The following MYH11 variants were observed in gnomAD, a reference collection of about 807,000 sequenced individuals.
MYH11 encodes myosin-11.
Under a neutral mutation model 246.6 loss-of-function variants are expected in MYH11, and 80 were observed. That is an observed-to-expected ratio of 0.32 (90% CI 0.27 to 0.39). MYH11 has a LOEUF of 0.39. Ranked by LOEUF, MYH11 falls within the 10% of genes least tolerant of loss-of-function variation. The probability of loss-of-function intolerance (pLI) is 1.00; values close to 1 mark genes in which losing one functional copy is unlikely to be tolerated. For missense variants in MYH11, 2,158 were observed against 2,546.8 expected (o/e 0.85, Z 3.29); for synonymous variants, 1,071 against 1,015.5 (o/e 1.05, Z -1.04).
At chr16:15,771,910 C>T (rs1023108266) in intron 8 of MYH11, among the ~76,000 whole-genome samples, 198 bp from the exon 9 acceptor site, 2 of 151,922 alleles carry the variant, frequency 1.3e-5, no homozygotes, top group Admixed American at 6.6e-5. Context: ...GCAGGTTGTG[C>T]ACTGCTCCAG....
At chr16:15,712,057 G>A (rs940370078) in intron 40 of MYH11, among the ~76,000 whole-genome samples, 1 of 152,150 alleles carries the variant, frequency 6.6e-6, no homozygotes, top group Non-Finnish European at 1.5e-5. Flanking sequence ...GTATAAAGGA[G>A]ACCAAAACGT....
Position 15,708,733 on chromosome 16 carries a change from A to G in MYH11, c.5787-4610T>C, listed in dbSNP as rs112554812. The G allele has an allele frequency of 4.7e-4, 700 of 1,495,696 alleles. 1 individual carries two copies. In the African/African-American group the frequency reaches 4.7e-3, roughly 10 times the overall value. 92.7% of individuals were successfully genotyped at this position (1,495,696 alleles called of 1,614,324 possible). ...AGGGTTTAAAAATTGGGGTGGGCAG[A>G]GGGGCGCATTGGGCAGAAAAGAAAT... On this transcript the variant is annotated intron_variant, in intron 40 of 40. Transcript: ENST00000300036.
At chr16:15,803,379 C>T (rs572746749) in intron 3 of MYH11, among the ~76,000 whole-genome samples, 2 of 151,392 alleles carry the variant, frequency 1.3e-5, no homozygotes, top group South Asian at 4.2e-4. Context: ...TGGTTTCAAG[C>T]AATTCTTCCA....
At chr16:15,725,236 G>T in intron 28 of MYH11, 1 of 601,380 alleles carries the variant, frequency 1.7e-6, no homozygotes, top group South Asian at 2.0e-5. Flanking sequence ...AGACTCTGTG[G>T]TTCTAAGAAC....
At chr16:15,705,369 G>GT (rs2039390268) in intron 40 of MYH11, among the ~76,000 whole-genome samples, 1 of 152,164 alleles carries the variant, frequency 6.6e-6, no homozygotes, top group African/African-American at 2.4e-5. Flanking sequence ...TCTCTCTTGA[G>GT]TTTATCACCT....
In MYH11 at chr16:15,732,351, C is replaced by G. The variant is rs549810590; in HGVS notation, c.3651+213G>C. 324 of 680,624 alleles carry G rather than the reference C, an allele frequency of 4.8e-4. 1 individual carries two copies. The highest frequency in any genetic ancestry group is 7.6e-4 in the Non-Finnish European group (302 of 399,558). 42.2% of individuals were successfully genotyped at this position (680,624 alleles called of 1,614,324 possible). On this transcript the variant is annotated intron_variant, in intron 27 of 40. Transcript: ENST00000300036. ...CTGAGCTCAAGCGATCCTCCCGCCT[C>G]AGCCTCCCCAAGTACTGGGATTACA...
At chr16:15,854,394 CTG>C (rs774671327) in intron 1 of MYH11, among the ~76,000 whole-genome samples, 6 of 152,190 alleles carry the variant, frequency 3.9e-5, no homozygotes, top group Non-Finnish European at 5.9e-5. Flanking sequence ...CTGTGAAACT[CTG>C]GAGTTAGAAA....
At chr16:15,724,073 C>T (rs2040621219) in intron 31 of MYH11, 88 bp downstream of exon 31, 1 of 1,596,922 alleles carries the variant, frequency 6.3e-7, no homozygotes, top group Non-Finnish European at 8.5e-7. Context: ...GATGCAGGCA[C>T]AGGCCAGAGC....
chr16:15,852,441 T>C (rs932562553), intron 1 of MYH11, among the ~76,000 whole-genome samples: 1 of 151,370 alleles, frequency 6.6e-6, no homozygotes, highest in African/African-American at 2.4e-5. Context: ...CAAGCGATTC[T>C]CGTGCCTCAG....
chr16:15,852,448 T>A (rs3851701), intron 1 of MYH11, among the ~76,000 whole-genome samples: 11 of 150,190 alleles, frequency 7.3e-5, no homozygotes, highest in Admixed American at 1.3e-4. Flanking sequence ...TTCTCGTGCC[T>A]CAGCCTCCCG....
intron 1 of MYH11, among the ~76,000 whole-genome samples, chr16:15,842,480 G>A (rs1392445063): frequency 1.3e-5 from 2 of 151,928 alleles, no homozygotes; most frequent in East Asian, 1.9e-4. Flanking sequence ...AAAAAGTGGC[G>A]GCTAGGTGCG....
rs572868449 is a variant in MYH11 at position 15,813,114 on chromosome 16, C to G, written c.502+10141G>C. Among the ~76,000 whole-genome samples, 28 of 152,228 alleles carry G rather than the reference C, an allele frequency of 1.8e-4. No individual in the cohort carries two copies. In the South Asian group the frequency reaches 5.8e-3, roughly 32 times the overall value. ...CCCAGGAGGTGGAGGTTGCAGTGAG[C>G]TGAGATCGTGCCATTGCACTCCAGC... On this transcript the variant is annotated intron_variant, in intron 3 of 40. Transcript: ENST00000300036.
intron 9 of MYH11, among the ~76,000 whole-genome samples, chr16:15,768,520 G>C (rs1385188206): frequency 6.6e-6 from 1 of 152,168 alleles, no homozygotes; most frequent in Admixed American, 6.5e-5. Context: ...TGGGGTTGGT[G>C]TACATTTAGG....
chr16:15,705,113 G>C (rs1003601353), intron 40 of MYH11, among the ~76,000 whole-genome samples: 2 of 152,040 alleles, frequency 1.3e-5, no homozygotes, highest in African/African-American at 4.8e-5. Flanking sequence ...GAGTAGCTGG[G>C]ACTACATGCA....
intron 35 of MYH11, 52 bp downstream of exon 35, chr16:15,719,533 G>T (rs2040353150): frequency 6.2e-7 from 1 of 1,611,872 alleles, no homozygotes; most frequent in South Asian, 1.1e-5. Flanking sequence ...CTGCCAAGGG[G>T]TGCTACCGTG....
intron 34 of MYH11, 71 bp from the exon 35 acceptor site, chr16:15,719,784 T>A: frequency 1.9e-6 from 3 of 1,598,428 alleles, no homozygotes; most frequent in Non-Finnish European, 2.6e-6. Context: ...CAGTTCAGCT[T>A]TGCACACCCA....
At chr16:15,723,140 G>C (rs913264889) in intron 31 of MYH11, among the ~76,000 whole-genome samples, 10 of 152,136 alleles carry the variant, frequency 6.6e-5, no homozygotes, top group African/African-American at 2.2e-4. Context: ...TTAGGGGTTT[G>C]GGTCATACAG....
At chr16:15,774,319 T>A (rs925776764) in intron 8 of MYH11, among the ~76,000 whole-genome samples, 11 of 152,206 alleles carry the variant, frequency 7.2e-5, no homozygotes, top group Non-Finnish European at 4.4e-5. Flanking sequence ...GGGAATTTAG[T>A]TCTGAGCCCT....
chr16:15,727,072 G>T lies in MYH11; in HGVS notation c.3652-18C>A, dbSNP rs2040803086. 1.2e-6 allele frequency: 2 copies of T among 1,611,852 alleles called. No homozygotes were observed. Among genetic ancestry groups the T allele is most frequent in the South Asian group, 2.2e-5 (2 of 91,072 alleles). The stretch of plus-strand genomic sequence containing the variant: ...GCCTTGGCCTGGCGAAGGAAGCAGA[G>T]GGGAGGGATAACAGGGAGGCTGTGG... On this transcript the variant is annotated intron_variant, in intron 27 of 40. Transcript: ENST00000300036.
Sources: allele counts gnomAD v4.1 joint callset (sites outside exome capture counted in the v4.1 genomes callset), GRCh38; gene constraint gnomAD v4.1.1; transcripts MANE v1.5; gene names NCBI Gene and HGNC (gene_info 2026-07-23, HGNC 2026-07-21).